SGCD: variants seen among roughly 807,000 people sequenced by gnomAD.
SGCD encodes sarcoglycan delta, also known as delta-sarcoglycan.
In SGCD, 18 loss-of-function variants were observed where a neutral mutation model predicts 36.6. The ratio of observed to expected loss-of-function variants is 0.49; its 90% CI spans 0.34 to 0.73. The LOEUF is 0.73. SGCD is among the 30% of genes least tolerant of loss of function. The pLI is 0.01. For synonymous variants in SGCD, 133 were observed against 130.6 expected, an observed-to-expected ratio of 1.02 and a Z score of -0.12; for missense variants, 387 against 346.7, an observed-to-expected ratio of 1.12 and a Z score of -0.92.
chr5:156,635,886 G>C (rs1284476312), intron 6 of SGCD, among the ~76,000 whole-genome samples: 1 of 151,490 alleles, frequency 6.6e-6, no homozygotes, highest in African/African-American at 2.4e-5. Context: ...GGCCTGTTGT[G>C]GGGTGGGGGG....
At chr5:155,786,157 T>C in the SGCD span, among the ~76,000 whole-genome samples, 2 of 152,194 alleles carry the variant, frequency 1.3e-5, no homozygotes, top group Non-Finnish European at 2.9e-5. Context: ...TAATATCTCC[T>C]TTTTGCCAGA....
chr5:156,596,634 T>C (rs1462375489), intron 6 of SGCD, among the ~76,000 whole-genome samples: 1 of 152,170 alleles, frequency 6.6e-6, no homozygotes, highest in Non-Finnish European at 1.5e-5. Context: ...CTTTACCTCC[T>C]CCCACAGTCA....
chr5:156,147,471 A>G (rs1762731686), intron 3 of SGCD, among the ~76,000 whole-genome samples: 1 of 152,206 alleles, frequency 6.6e-6, no homozygotes, highest in Admixed American at 6.5e-5. Context: ...TCCATGTCAT[A>G]CATCTATTAC....
At chr5:156,422,069 C>T (rs1773334050) in intron 3 of SGCD, among the ~76,000 whole-genome samples, 1 of 152,042 alleles carries the variant, frequency 6.6e-6, no homozygotes, top group African/African-American at 2.4e-5. Flanking sequence ...AACTTATCAC[C>T]CAGTAGCCAG....
chr5:155,964,622 T>A (rs1043109609), intron 1 of SGCD, among the ~76,000 whole-genome samples: 2 of 152,068 alleles, frequency 1.3e-5, no homozygotes, highest in South Asian at 2.1e-4. Context: ...CCACCACAAC[T>A]GGCTGTAAGT....
intron 3 of SGCD, among the ~76,000 whole-genome samples, chr5:156,221,207 T>G (rs1764709194): frequency 6.6e-6 from 1 of 152,094 alleles, no homozygotes; most frequent in African/African-American, 2.4e-5. Context: ...GACTGGGAAG[T>G]CCAAGATCAT....
chr5:156,585,160 G>T (rs1014255164), intron 4 of SGCD, among the ~76,000 whole-genome samples: 14 of 152,114 alleles, frequency 9.2e-5, no homozygotes, highest in African/African-American at 3.1e-4. Context: ...CTGTTTCCCA[G>T]CTTATTTTGA....
chr5:156,762,264 A>G lies in SGCD; in HGVS notation c.*2874A>G, dbSNP rs945373865. On this transcript the variant is annotated 3_prime_UTR_variant, in exon 9 of 9. Transcript: ENST00000337851. ...CAAAGAATCCAAATGAACCTTCAAT[A>G]TACTAGAAGTTCTAGTAGGTTAATA... 3.9e-5 allele frequency: 6 copies of G among 152,664 alleles called. No individual in the cohort carries two copies. Among genetic ancestry groups the G allele is most frequent in the African/African-American group, 1.4e-4 (6 of 41,460 alleles). The allele number at this position is 152,664 out of a possible 1,614,324, so 9.5% of individuals were successfully genotyped here. A position where few individuals can be genotyped will look rare whatever the true frequency, so the allele number is the denominator to read the frequency against.
At chr5:156,618,203 CCTACGAAT>C (rs1435139620) in intron 6 of SGCD, among the ~76,000 whole-genome samples, 1 of 152,074 alleles carries the variant, frequency 6.6e-6, no homozygotes, top group Non-Finnish European at 1.5e-5. Context: ...GAAATGAGAG[CCTACGAAT>C]CTAATAGTAA....
At chr5:155,796,806 C>CAAAA in the SGCD span, among the ~76,000 whole-genome samples, 19 of 51,316 alleles carry the variant, frequency 3.7e-4, no homozygotes, top group South Asian at 2.0e-3. Context: ...AACTCCATCT[C>CAAAA]AAAAAAAAAA....
At chr5:155,944,131 G>A (rs1030384594) in intron 1 of SGCD, among the ~76,000 whole-genome samples, 1 of 152,100 alleles carries the variant, frequency 6.6e-6, no homozygotes, top group Non-Finnish European at 1.5e-5. Flanking sequence ...TTTCTCATGG[G>A]ATGCAGACCA....
Position 156,344,457 on chromosome 5 carries a change from T to G in SGCD, c.4-32T>G, listed in dbSNP as rs375558743. Reference sequence around the variant, plus strand: ...TTTCTCTTCTCTCAGCGGTTTAATGTGAGTGCTTCTCTCTTGCCTCGTTTA... The same window carrying G: ...TTTCTCTTCTCTCAGCGGTTTAATGGGAGTGCTTCTCTCTTGCCTCGTTTA... On this transcript the variant is annotated intron_variant, in intron 2 of 8. Coordinates refer to ENST00000337851, the MANE Select transcript of SGCD (RefSeq NM_000337.6). 56 of 1,463,014 alleles carry G rather than the reference T, an allele frequency of 3.8e-5. No homozygotes were observed. In the African/African-American group the frequency reaches 7.9e-4, roughly 21 times the overall value. 90.6% of individuals were successfully genotyped at this position (1,463,014 alleles called of 1,614,324 possible).
chr5:155,883,199 A>C (rs940236610), intron 1 of SGCD, among the ~76,000 whole-genome samples: 2 of 152,182 alleles, frequency 1.3e-5, no homozygotes, highest in African/African-American at 4.8e-5. Context: ...TGGCTGGTTT[A>C]ATCACTCAAA....
chr5:156,692,308 A>G (rs191909634), intron 7 of SGCD, among the ~76,000 whole-genome samples: 36 of 152,318 alleles, frequency 2.4e-4, no homozygotes, highest in Middle Eastern at 6.8e-3. Flanking sequence ...GATGAGGAGT[A>G]TCGTGATTGA....
At chr5:156,368,965 C>A (rs1176626986) in intron 3 of SGCD, among the ~76,000 whole-genome samples, 2 of 152,196 alleles carry the variant, frequency 1.3e-5, no homozygotes, top group East Asian at 1.9e-4. Flanking sequence ...CCATCCCCTG[C>A]AAAACTAGTC....
At chr5:155,766,914 C>G in the SGCD span, among the ~76,000 whole-genome samples, 9 of 152,210 alleles carry the variant, frequency 5.9e-5, 1 homozygote, top group African/African-American at 2.2e-4. Flanking sequence ...ACTTCTTTCC[C>G]TCGAGTAGCC....
chr5:155,784,953 C>T, the SGCD span, among the ~76,000 whole-genome samples: 1 of 151,834 alleles, frequency 6.6e-6, no homozygotes, highest in African/African-American at 2.4e-5. Flanking sequence ...TAAATGGACC[C>T]ATCCACTTTG....
chr5:156,588,975 G>T (rs1760605215), intron 4 of SGCD, among the ~76,000 whole-genome samples: 1 of 143,540 alleles, frequency 7.0e-6, no homozygotes, highest in Non-Finnish European at 1.5e-5. Flanking sequence ...TGTGTGTTCT[G>T]GGGGAATCTA....
At chr5:156,327,956 TA>T (rs1430473591) in intron 1 of SGCD, among the ~76,000 whole-genome samples, 1 of 152,172 alleles carries the variant, frequency 6.6e-6, no homozygotes, top group African/African-American at 2.4e-5. Flanking sequence ...ACATAGATAA[TA>T]AAAAAGTAAC....
Sources: allele counts gnomAD v4.1 joint callset (sites outside exome capture counted in the v4.1 genomes callset), GRCh38; gene constraint gnomAD v4.1.1; transcripts MANE v1.5; gene names NCBI Gene and HGNC (gene_info 2026-07-23, HGNC 2026-07-21).